UGT1A8: variants seen among roughly 807,000 people sequenced by gnomAD.
The protein encoded by UGT1A8 is UDP-glucuronosyltransferase 1A8.
A neutral mutation model predicts 45.3 loss-of-function variants in UGT1A8; 39 were observed. That is an observed-to-expected ratio of 0.86 (90% CI 0.67 to 1.12). The LOEUF (loss-of-function observed/expected upper bound fraction) is 1.12, where lower values mean the gene tolerates loss of function less well. Among genes scored for constraint, UGT1A8 ranks in the 50% most tolerant of loss-of-function variants. The probability of loss-of-function intolerance (pLI) is 0.00; values close to 1 mark genes in which losing one functional copy is unlikely to be tolerated. For missense variants in UGT1A8, 719 were observed against 664.9 expected, an observed-to-expected ratio of 1.08 and a Z score of -0.90; for synonymous variants, 275 against 249.2, an observed-to-expected ratio of 1.10 and a Z score of -0.97.
intron 1 of UGT1A8, among the ~76,000 whole-genome samples, chr2:233,662,495 C>A (rs2073996360): frequency 6.6e-6 from 1 of 152,188 alleles, no homozygotes; most frequent in Non-Finnish European, 1.5e-5. Flanking sequence ...TTGTATCCTG[C>A]AACCATGCTA....
At chr2:233,661,145 T>C (rs1306283525) in intron 1 of UGT1A8, among the ~76,000 whole-genome samples, 1 of 150,698 alleles carries the variant, frequency 6.6e-6, no homozygotes, top group Non-Finnish European at 1.5e-5. Context: ...TATCTATGGA[T>C]GTAATGACTC....
chr2:233,767,766 CT>C, intron 2 of UGT1A8, 82 bp from the exon 3 acceptor site: 1 of 1,609,200 alleles, frequency 6.2e-7, no homozygotes, highest in South Asian at 1.1e-5. Flanking sequence ...CAGAGGACCC[CT>C]GTTTTCTAGT....
intron 1 of UGT1A8, among the ~76,000 whole-genome samples, chr2:233,759,294 C>T (rs1363540933): frequency 6.6e-6 from 1 of 152,134 alleles, no homozygotes; most frequent in Admixed American, 6.5e-5. Flanking sequence ...TGAAGCTGAG[C>T]CCTGAGTGGC....
chr2:233,679,687 A>G (rs1462740728), intron 1 of UGT1A8, among the ~76,000 whole-genome samples: 2 of 152,068 alleles, frequency 1.3e-5, no homozygotes, highest in African/African-American at 4.8e-5. Flanking sequence ...TTTGCTTGGC[A>G]GAGGCTGGTT....
intron 1 of UGT1A8, among the ~76,000 whole-genome samples, chr2:233,695,422 C>CCTT (rs34487948): frequency 1.3e-3 from 197 of 151,064 alleles, no homozygotes; most frequent in African/African-American, 4.5e-3. Flanking sequence ...CCGCGCCCGG[C>CCTT]CTTCTTCTTC....
chr2:233,624,882 T>C (rs1051225922), intron 1 of UGT1A8, among the ~76,000 whole-genome samples: 1 of 152,142 alleles, frequency 6.6e-6, no homozygotes, highest in African/African-American at 2.4e-5. Flanking sequence ...TCCTAAGTAT[T>C]TCATGTTTTT....
At chr2:233,691,215 C>T (rs2075032579) in intron 1 of UGT1A8, 1 of 985,604 alleles carries the variant, frequency 1.0e-6, no homozygotes, top group Non-Finnish European at 1.2e-6. Context: ...CCCTTTGCAA[C>T]CTTCCTGGAG....
At chr2:233,649,056 A>G (rs376103655) in intron 1 of UGT1A8, 1 of 964,104 alleles carries the variant, frequency 1.0e-6, no homozygotes, top group African/African-American at 1.7e-5. Context: ...GCACATTAAA[A>G]GTATTCTGGA....
chr2:233,681,888 A>G (rs2074543843), intron 1 of UGT1A8: 3 of 1,582,936 alleles, frequency 1.9e-6, no homozygotes, highest in Non-Finnish European at 2.6e-6. Flanking sequence ...CACTTACTAT[A>G]TTATAGGAGC....
At chr2:233,730,314 G>A (rs1295285736) in intron 1 of UGT1A8, among the ~76,000 whole-genome samples, 3 of 152,172 alleles carry the variant, frequency 2.0e-5, no homozygotes, top group Admixed American at 6.5e-5. Flanking sequence ...AGCTTGGCAG[G>A]AACAGGGACA....
intron 1 of UGT1A8, among the ~76,000 whole-genome samples, chr2:233,650,034 G>A (rs1292886640): frequency 2.6e-5 from 4 of 152,076 alleles, no homozygotes; most frequent in South Asian, 2.1e-4. Context: ...GCAATGGTGC[G>A]ATCTTGGCTC....
chr2:233,745,211 C>T (rs1428887927), intron 1 of UGT1A8, among the ~76,000 whole-genome samples: 1 of 151,804 alleles, frequency 6.6e-6, no homozygotes, highest in African/African-American at 2.4e-5. Flanking sequence ...GAGATCCTCT[C>T]AGACAAAAGG....
At chr2:233,695,885 G>T (rs2075312141) in intron 1 of UGT1A8, among the ~76,000 whole-genome samples, 1 of 152,156 alleles carries the variant, frequency 6.6e-6, no homozygotes, top group South Asian at 2.1e-4. Context: ...GAAAACTTCA[G>T]TGAACAAATG....
chr2:233,713,876 T>C (rs768644930), intron 1 of UGT1A8: 295 of 1,613,474 alleles, frequency 1.8e-4, no homozygotes, highest in Middle Eastern at 5.2e-4. Flanking sequence ...TTGGTGCCTT[T>C]ATCCAATCAA....
chr2:233,757,560 A>ATATATATATG (rs904896556), intron 1 of UGT1A8, among the ~76,000 whole-genome samples: 18 of 123,146 alleles, frequency 1.5e-4, no homozygotes, highest in African/African-American at 6.1e-4. Flanking sequence ...ATATATATAT[A>ATATATATATG]TGTATATATG....
chr2:233,665,876 G>A (rs1454113893), intron 1 of UGT1A8, among the ~76,000 whole-genome samples: 3 of 152,096 alleles, frequency 2.0e-5, no homozygotes, highest in African/African-American at 4.8e-5. Flanking sequence ...ATTTACAAGC[G>A]GCCAGACCAA....
intron 1 of UGT1A8, among the ~76,000 whole-genome samples, chr2:233,640,750 A>G (rs921898099): frequency 6.6e-6 from 1 of 152,172 alleles, no homozygotes; most frequent in Non-Finnish European, 1.5e-5. Flanking sequence ...ATAGGCCAAC[A>G]ATCTTAGGTA....
At chr2:233,759,133 C>T (rs973211945) in intron 1 of UGT1A8, among the ~76,000 whole-genome samples, 1 of 152,206 alleles carries the variant, frequency 6.6e-6, no homozygotes, top group African/African-American at 2.4e-5. Flanking sequence ...CTCTGGTACG[C>T]AATGAAGGTG....
At chr2:233,729,803 C>T in intron 1 of UGT1A8, 4 of 1,613,928 alleles carry the variant, frequency 2.5e-6, no homozygotes, top group Non-Finnish European at 3.4e-6. Flanking sequence ...ATTTGCCATG[C>T]TTTTTCTGCT....
Sources: allele counts gnomAD v4.1 joint callset (sites outside exome capture counted in the v4.1 genomes callset), GRCh38; gene constraint gnomAD v4.1.1; transcripts MANE v1.5; gene names NCBI Gene and HGNC (gene_info 2026-07-23, HGNC 2026-07-21).